The following L3MBTL4 variants were observed in gnomAD, a reference collection of about 807,000 sequenced individuals.
L3MBTL4 encodes the protein lethal(3)malignant brain tumor-like protein 4.
L3MBTL4 carries 70 observed loss-of-function variants against 84.5 expected under a neutral mutation model. That is an observed-to-expected ratio of 0.83 (90% CI 0.68 to 1.01). L3MBTL4 has a LOEUF of 1.01. Among genes scored for constraint, L3MBTL4 ranks in the 50% least tolerant of loss-of-function variants. L3MBTL4 has a pLI of 0.00. For missense variants in L3MBTL4, 715 were observed against 754.8 expected (o/e 0.95, Z 0.62); for synonymous variants, 274 against 259.8 (o/e 1.05, Z -0.52).
intron 14 of L3MBTL4, among the ~76,000 whole-genome samples, chr18:6,129,366 CTCTGTGTGTGTGTG>C (rs1476439085): frequency 1.4e-5 from 2 of 139,188 alleles, no homozygotes; most frequent in Admixed American, 7.0e-5. Context: ...CTGGAATTCT[CTCTGTGTGTGTGTG>C]TGTGTGTGTG....
intron 13 of L3MBTL4, among the ~76,000 whole-genome samples, chr18:6,144,406 G>A (rs2042560990): frequency 6.6e-6 from 1 of 152,096 alleles, no homozygotes; most frequent in Admixed American, 6.6e-5. Flanking sequence ...AGTCTTCTAA[G>A]AAATCTTTTA....
intron 14 of L3MBTL4, among the ~76,000 whole-genome samples, chr18:6,126,893 T>C (rs1011626197): frequency 2.0e-5 from 3 of 152,242 alleles, no homozygotes; most frequent in Non-Finnish European, 4.4e-5. Context: ...AGTTTATTTT[T>C]AAATTTCCAC....
At chr18:6,053,891 C>A (rs2056923175) in intron 16 of L3MBTL4, among the ~76,000 whole-genome samples, 1 of 152,200 alleles carries the variant, frequency 6.6e-6, no homozygotes, top group South Asian at 2.1e-4. Flanking sequence ...TGAAAAAAAT[C>A]ATGGCGTGCA....
At chr18:5,989,785 G>T (rs900030097) in intron 16 of L3MBTL4, among the ~76,000 whole-genome samples, 1 of 152,216 alleles carries the variant, frequency 6.6e-6, no homozygotes, top group Non-Finnish European at 1.5e-5. Context: ...AAGACTGTTT[G>T]CTCCTGGAGG....
chr18:6,193,865 C>G (rs2045248365), intron 12 of L3MBTL4, among the ~76,000 whole-genome samples: 1 of 152,204 alleles, frequency 6.6e-6, no homozygotes, highest in African/African-American at 2.4e-5. Flanking sequence ...TCACTGCACA[C>G]CTCCTAACTT....
chr18:6,072,773 A>T (rs557757506), intron 16 of L3MBTL4, among the ~76,000 whole-genome samples: 5 of 146,624 alleles, frequency 3.4e-5, no homozygotes, highest in Non-Finnish European at 7.5e-5. Flanking sequence ...GGAGTATGGC[A>T]TGAACCCGGG....
chr18:5,974,281 T>C (rs1319677235), intron 16 of L3MBTL4, among the ~76,000 whole-genome samples: 1 of 152,206 alleles, frequency 6.6e-6, no homozygotes, highest in Non-Finnish European at 1.5e-5. Flanking sequence ...TGTTCAGATA[T>C]GTTCAGCTCT....
At chr18:6,360,268 G>C (rs964156965) in intron 1 of L3MBTL4, among the ~76,000 whole-genome samples, 1 of 152,202 alleles carries the variant, frequency 6.6e-6, no homozygotes, top group African/African-American at 2.4e-5. Flanking sequence ...CTACTCAGGA[G>C]ACTGACACGG....
chr18:6,215,863 A>G, intron 10 of L3MBTL4, 28 bp from the exon 11 acceptor site: 2 of 1,236,938 alleles, frequency 1.6e-6, no homozygotes, highest in Non-Finnish European at 2.3e-6. Context: ...TAAATAGCAA[A>G]AGATTACTCA....
intron 10 of L3MBTL4, among the ~76,000 whole-genome samples, chr18:6,224,804 A>G (rs556725993): frequency 1.8e-4 from 28 of 152,256 alleles, no homozygotes; most frequent in African/African-American, 4.6e-4. Context: ...AAGCTCCATC[A>G]GGGCACCCAG....
At chr18:6,406,888 C>T (rs192192868) in intron 1 of L3MBTL4, among the ~76,000 whole-genome samples, 1 of 152,318 alleles carries the variant, frequency 6.6e-6, no homozygotes, top group African/African-American at 2.4e-5. Context: ...CATAGCTGGC[C>T]TACAGCTACT....
chr18:6,103,241 T>C (rs968512349), intron 14 of L3MBTL4, among the ~76,000 whole-genome samples: 4 of 152,260 alleles, frequency 2.6e-5, no homozygotes, highest in Non-Finnish European at 5.9e-5. Context: ...AATGCTACAT[T>C]ACTAACTCAA....
intron 1 of L3MBTL4, among the ~76,000 whole-genome samples, chr18:6,363,965 C>G (rs1322997111): frequency 6.6e-6 from 1 of 152,178 alleles, no homozygotes; most frequent in Admixed American, 6.5e-5. Flanking sequence ...TATCACTAAA[C>G]CTCTACCCAT....
chr18:6,014,971 T>C (rs2054897688), intron 16 of L3MBTL4, among the ~76,000 whole-genome samples: 1 of 128,560 alleles, frequency 7.8e-6, no homozygotes, highest in African/African-American at 3.8e-5. Context: ...AGGAGTGGAC[T>C]GAAGTGGGGT....
chr18:6,258,336 T>C (rs1312582655), intron 5 of L3MBTL4, among the ~76,000 whole-genome samples: 2 of 152,196 alleles, frequency 1.3e-5, no homozygotes, highest in Admixed American at 1.3e-4. Context: ...CAAGGCCTCA[T>C]GGTTCCTACT....
At chr18:6,332,961 T>C (rs1475549846) in intron 1 of L3MBTL4, among the ~76,000 whole-genome samples, 1 of 152,212 alleles carries the variant, frequency 6.6e-6, no homozygotes, top group Non-Finnish European at 1.5e-5. Context: ...ATTTGGATTG[T>C]AATCCCAACG....
chr18:6,128,641 C>T (rs2059778335), intron 14 of L3MBTL4, among the ~76,000 whole-genome samples: 1 of 152,140 alleles, frequency 6.6e-6, no homozygotes, highest in African/African-American at 2.4e-5. Context: ...TGGAATTGTA[C>T]CCATGGCTGA....
intron 16 of L3MBTL4, among the ~76,000 whole-genome samples, chr18:5,977,714 T>A (rs2053012768): frequency 6.6e-6 from 1 of 152,094 alleles, no homozygotes; most frequent in African/African-American, 2.4e-5. Flanking sequence ...GGATCCCCAA[T>A]CCCAGAAGTC....
chr18:6,356,409 G>A (rs1014773422), intron 1 of L3MBTL4, among the ~76,000 whole-genome samples: 1 of 152,168 alleles, frequency 6.6e-6, no homozygotes, highest in African/African-American at 2.4e-5. Context: ...TTTCCTGATT[G>A]CCTGGATCAA....
Sources: gnomAD v4.1 joint callset for allele counts (sites outside exome capture counted in the v4.1 genomes callset) on GRCh38, gnomAD v4.1.1 for gene constraint, MANE v1.5 for transcripts, NCBI Gene and HGNC (gene_info 2026-07-23, HGNC 2026-07-21) for gene names.